The following TNFRSF11B variants were observed in gnomAD, a reference collection of about 807,000 sequenced individuals.
TNFRSF11B encodes the protein tumor necrosis factor receptor superfamily member 11B.
TNFRSF11B carries 16 observed loss-of-function variants against 43.4 expected under a neutral mutation model. The observed-to-expected ratio is 0.37, with a 90% confidence interval of 0.25 to 0.56. The LOEUF (loss-of-function observed/expected upper bound fraction) is 0.56, where lower values mean the gene tolerates loss of function less well. Ranked by LOEUF, TNFRSF11B falls within the 20% of genes least tolerant of loss-of-function variation. The pLI is 0.80. For synonymous variants in TNFRSF11B, 185 were observed against 181.8 expected (o/e 1.02, Z -0.14); for missense variants, 444 against 490.1 (o/e 0.91, Z 0.89).
At chr8:118,944,055 G>A (rs1473727970) in intron 1 of TNFRSF11B, among the ~76,000 whole-genome samples, 2 of 152,126 alleles carry the variant, frequency 1.3e-5, no homozygotes, top group African/African-American at 4.8e-5. Flanking sequence ...GTCTTTTGGG[G>A]TTTGTAAATG....
intron 3 of TNFRSF11B, among the ~76,000 whole-genome samples, chr8:118,927,702 G>A (rs1274610889): frequency 2.0e-5 from 3 of 151,884 alleles, no homozygotes; most frequent in Non-Finnish European, 2.9e-5. Context: ...TTTGTAGTAC[G>A]AAAAACTGTT....
Position 118,924,536 on chromosome 8 carries a change from T to G in TNFRSF11B, c.1044A>C (p.Ala348=). 1.2e-6 allele frequency: 2 copies of G among 1,614,232 alleles called. No homozygotes were observed. Among genetic ancestry groups the G allele is most frequent in the Non-Finnish European group, 1.7e-6 (2 of 1,180,028 alleles). The change falls in exon 5 of 5, where the codon GCA becomes GCC. Residue 348 remains alanine, a synonymous_variant. Coordinates refer to ENST00000297350, the MANE Select transcript of TNFRSF11B (RefSeq NM_002546.4). ...AGTGGTACGTCTTTGAGTGCTTTAG[T>G]GCGTGCATTAGGCCCTTCAAGGTGT... ...DQDTLKGLMH[A]LKHSKTYHFP... is the part of the protein sequence containing the mutation.
At chr8:118,926,922 C>A (rs1437740907) in intron 3 of TNFRSF11B, among the ~76,000 whole-genome samples, 1 of 152,122 alleles carries the variant, frequency 6.6e-6, no homozygotes, top group African/African-American at 2.4e-5. Context: ...TTCTAATGTT[C>A]TTTTTTGGGC....
chr8:118,949,615 A>T (rs1812612047), intron 1 of TNFRSF11B, among the ~76,000 whole-genome samples: 1 of 152,218 alleles, frequency 6.6e-6, no homozygotes, highest in Non-Finnish European at 1.5e-5. Context: ...AGCTTCCCTT[A>T]TAAGGTGCTA....
chr8:118,949,491 C>T (rs181932056), intron 1 of TNFRSF11B, among the ~76,000 whole-genome samples: 12 of 152,238 alleles, frequency 7.9e-5, no homozygotes, highest in African/African-American at 2.6e-4. Context: ...TCATTATTAT[C>T]ATTTTATAGA....
At chr8:118,925,947 T>C (rs1334033090) in intron 4 of TNFRSF11B, among the ~76,000 whole-genome samples, 1 of 152,254 alleles carries the variant, frequency 6.6e-6, no homozygotes, top group Non-Finnish European at 1.5e-5. Context: ...AGCTTTTTCC[T>C]ACAAGAGGCT....
chr8:118,948,951 C>G lies in TNFRSF11B; in HGVS notation c.30+2841G>C, dbSNP rs568220316. 9.2e-5 allele frequency among the ~76,000 whole-genome samples: 14 copies of G among 152,266 alleles called. No individual in the cohort carries two copies. The South Asian group carries it at 2.9e-3, about 32-fold the overall frequency. On this transcript the variant is annotated intron_variant, in intron 1 of 4. Transcript: ENST00000297350. ...CCCCTCCCTGCCCACTTCTCCACCCCAACTCCTAGTATCATAACATTAATT... is the reference window on the plus strand; with the variant it reads ...CCCCTCCCTGCCCACTTCTCCACCCGAACTCCTAGTATCATAACATTAATT...
Position 118,932,989 on chromosome 8 carries a change from C to G in TNFRSF11B, c.342G>C (p.Glu114Asp), listed in dbSNP as rs748597515. ...VCECKEGRYL[E>D]IEFCLKHRSC... ...TCCTATGTTTCAAGCAGAACTCTAT[C>G]TCAAGGTAGCGCCCTTCCTTGCATT... Residue 114 changes from glutamate (E) to aspartate (D), a missense_variant, in exon 2 of 5, where the codon GAG becomes GAC. By Grantham distance (45) the Glu-to-Asp change is conservative. Transcript: ENST00000297350. 6.2e-7 allele frequency: 1 copy of G among 1,614,210 alleles called. No homozygotes were observed. Among genetic ancestry groups the G allele is most frequent in the East Asian group, 2.2e-5 (1 of 44,862 alleles).
chr8:118,948,562 G>T (rs1215414076), intron 1 of TNFRSF11B, among the ~76,000 whole-genome samples: 1 of 151,728 alleles, frequency 6.6e-6, no homozygotes, highest in Admixed American at 6.6e-5. Context: ...GGTGCAGAAC[G>T]CTTACTTCCT....
At chr8:118,944,294 C>G (rs1044569445) in intron 1 of TNFRSF11B, among the ~76,000 whole-genome samples, 4 of 152,102 alleles carry the variant, frequency 2.6e-5, no homozygotes, top group African/African-American at 9.7e-5. Flanking sequence ...GCAACCAATA[C>G]CTGAAATATT....
At chr8:118,946,984 G>A (rs971189600) in intron 1 of TNFRSF11B, among the ~76,000 whole-genome samples, 1 of 152,154 alleles carries the variant, frequency 6.6e-6, no homozygotes, top group African/African-American at 2.4e-5. Context: ...GTCCCAACTG[G>A]ATGGGAAGGC....
intron 1 of TNFRSF11B, among the ~76,000 whole-genome samples, chr8:118,940,515 A>C (rs1363090966): frequency 6.6e-6 from 1 of 152,136 alleles, no homozygotes; most frequent in Non-Finnish European, 1.5e-5. Flanking sequence ...AATAAGACTT[A>C]TTTTTACCTA....
rs1241295735 is a variant in TNFRSF11B, at chr8:118,937,034, T to C, written c.31-3734A>G. 2.0e-5 allele frequency among the ~76,000 whole-genome samples: 3 copies of C among 152,212 alleles called. No homozygotes were observed. The East Asian group carries it at 5.8e-4, about 29-fold the overall frequency. On this transcript the variant is annotated intron_variant, in intron 1 of 4. Transcript: ENST00000297350. ...AATTTCTTCCTGAAGCCTCCATTCC[T>C]CTTTTTTGAAAGGAAAGTTAAGGTT...
rs770711045 is a variant in TNFRSF11B at position 118,951,868 on chromosome 8, G to A, written c.-47C>T. The A allele has an allele frequency of 5.2e-6, 8 of 1,532,274 alleles. 1 individual carries two copies. The Middle Eastern group carries it at 1.4e-3, about 259-fold the overall frequency. 94.9% of individuals were successfully genotyped at this position (1,532,274 alleles called of 1,614,324 possible). On this transcript the variant is annotated 5_prime_UTR_variant, in exon 1 of 5. Coordinates refer to ENST00000297350, the MANE Select transcript of TNFRSF11B (RefSeq NM_002546.4). ...GGGCTTGGAGGCGGCGGCTGGGCGA[G>A]CGCTCCGGTGCGTCTCCGCAGCCCG...
At chr8:118,950,460 A>T (rs1243962418) in intron 1 of TNFRSF11B, among the ~76,000 whole-genome samples, 1 of 152,200 alleles carries the variant, frequency 6.6e-6, no homozygotes, top group Non-Finnish European at 1.5e-5. Context: ...AGCAAAATTC[A>T]TCTATGTTGT....
At chr8:118,951,401 T>G (rs1308646150) in intron 1 of TNFRSF11B, among the ~76,000 whole-genome samples, 1 of 152,184 alleles carries the variant, frequency 6.6e-6, no homozygotes, top group African/African-American at 2.4e-5. Flanking sequence ...AAGGGACCAC[T>G]TCTTTGCCAC....
chr8:118,924,262 A>T lies in TNFRSF11B; in HGVS notation c.*112T>A. On this transcript the variant is annotated 3_prime_UTR_variant, in exon 5 of 5. Coordinates refer to ENST00000297350, the MANE Select transcript of TNFRSF11B (RefSeq NM_002546.4). ...TCTTTTAGTACCCTGTGGCAAAATT[A>T]GTCACTGGTAATGAGAAAGATATCA... 7.8e-7 allele frequency: 1 copy of T among 1,274,152 alleles called. No homozygotes were observed. Among genetic ancestry groups the T allele is most frequent in the Non-Finnish European group, 1.1e-6 (1 of 884,210 alleles). 78.9% of individuals were successfully genotyped at this position (1,274,152 alleles called of 1,614,324 possible).
chr8:118,924,284 A>G lies in TNFRSF11B; in HGVS notation c.*90T>C. On this transcript the variant is annotated 3_prime_UTR_variant, in exon 5 of 5. Coordinates refer to ENST00000297350, the MANE Select transcript of TNFRSF11B (RefSeq NM_002546.4). The stretch of plus-strand genomic sequence containing the variant: ...ATTAGTCACTGGTAATGAGAAAGAT[A>G]TCACTGAAAGCCTCAAGTGCCTGAG... 6.8e-7 allele frequency: 1 copy of G among 1,470,510 alleles called. No homozygotes were observed. The highest frequency in any genetic ancestry group is 9.5e-7 in the Non-Finnish European group (1 of 1,057,238). 91.1% of individuals were successfully genotyped at this position (1,470,510 alleles called of 1,614,324 possible). A position where few individuals can be genotyped will look rare whatever the true frequency, so the allele number is the denominator to read the frequency against.
intron 1 of TNFRSF11B, among the ~76,000 whole-genome samples, chr8:118,943,904 G>A (rs1812523774): frequency 6.6e-6 from 1 of 152,102 alleles, no homozygotes; most frequent in South Asian, 2.1e-4. Flanking sequence ...CCACTCTGCA[G>A]CCCAGCTAAC....
Sources: allele counts gnomAD v4.1 joint callset (sites outside exome capture counted in the v4.1 genomes callset), GRCh38; gene constraint gnomAD v4.1.1; transcripts MANE v1.5; gene names NCBI Gene and HGNC (gene_info 2026-07-23, HGNC 2026-07-21).